ENPP2: variants seen among roughly 807,000 people sequenced by gnomAD.
ENPP2 encodes the protein ectonucleotide pyrophosphatase/phosphodiesterase 2.
Under a neutral mutation model 120.2 loss-of-function variants are expected in ENPP2, and 51 were observed. That is an observed-to-expected ratio of 0.42 (90% CI 0.34 to 0.54). The LOEUF (loss-of-function observed/expected upper bound fraction) is 0.54. ENPP2 is among the 20% of genes least tolerant of loss of function. The probability of loss-of-function intolerance (pLI) is 0.04; values close to 1 mark genes in which losing one functional copy is unlikely to be tolerated. For missense variants in ENPP2, 920 were observed against 1,066.5 expected (o/e 0.86, Z 1.91); for synonymous variants, 365 against 366.4 (o/e 1.00, Z 0.04).
At chr8:119,568,322 AG>A (rs979637057) in intron 21 of ENPP2, 70 bp from the exon 22 acceptor site, 3 of 833,004 alleles carry the variant, frequency 3.6e-6, no homozygotes, top group East Asian at 2.4e-5. Context: ...AAAAAGGGAG[AG>A]GGGGGTAGAA....
intron 2 of ENPP2, among the ~76,000 whole-genome samples, chr8:119,630,752 T>C (rs560230029): frequency 2.0e-5 from 3 of 152,286 alleles, no homozygotes; most frequent in East Asian, 1.9e-4. Context: ...GATTAGGATA[T>C]ACCTATGTCA....
Position 119,590,574 on chromosome 8 carries a change from C to T in ENPP2, c.1138G>A (p.Val380Met). 6.3e-7 allele frequency: 1 copy of T among 1,595,544 alleles called. No homozygotes were observed. Among genetic ancestry groups the T allele is most frequent in the Non-Finnish European group, 8.6e-7 (1 of 1,168,946 alleles). Residue 380 changes from valine to methionine, a missense_variant, in exon 13 of 25, where the codon GTG becomes ATG. Val to Met is a conservative substitution (Grantham distance 21). Coordinates refer to ENST00000075322, the MANE Select transcript of ENPP2 (RefSeq NM_001040092.3). ...CCAGGCACTAAAGTAATATCATCCA[C>T]ATTAGTTAGGTAATTACTCAAGAAC... ...TEFLSNYLTN[V>M]DDITLVPGTL... is the part of the protein sequence containing the mutation.
At chr8:119,589,804 T>C (rs963641094) in intron 13 of ENPP2, among the ~76,000 whole-genome samples, 2 of 152,170 alleles carry the variant, frequency 1.3e-5, no homozygotes, top group African/African-American at 2.4e-5. Flanking sequence ...AAGTGCGGCA[T>C]AACCCCAATA....
At chr8:119,578,839 A>G (rs1440923839) in intron 19 of ENPP2, among the ~76,000 whole-genome samples, 4 of 152,246 alleles carry the variant, frequency 2.6e-5, no homozygotes, top group African/African-American at 9.6e-5. Context: ...GAGATACAGA[A>G]AAGGAAGAAG....
chr8:119,619,443 A>C, intron 4 of ENPP2, 139 bp from the exon 5 acceptor site: 1 of 614,776 alleles, frequency 1.6e-6, no homozygotes, highest in East Asian at 2.8e-5. Context: ...TTCTGAAAAA[A>C]AAATCTAGTG....
intron 9 of ENPP2, among the ~76,000 whole-genome samples, chr8:119,603,187 C>G (rs1356587253): frequency 6.6e-6 from 1 of 151,552 alleles, no homozygotes; most frequent in Non-Finnish European, 1.5e-5. Context: ...TCCTTTGTAT[C>G]TGAGCAAAAT....
At chr8:119,561,569 T>C (rs775986029) in intron 24 of ENPP2, among the ~76,000 whole-genome samples, 1 of 152,068 alleles carries the variant, frequency 6.6e-6, no homozygotes, top group Non-Finnish European at 1.5e-5. Context: ...TGTCCCTGAG[T>C]GTCAAGTTAG....
At chr8:119,579,894 T>C (rs189360600) in intron 19 of ENPP2, among the ~76,000 whole-genome samples, 1 of 152,266 alleles carries the variant, frequency 6.6e-6, no homozygotes, top group African/African-American at 2.4e-5. Context: ...TAAAAGCTAT[T>C]GAGGGGGGAG....
chr8:119,655,756 A>C (rs892775071), intron 1 of ENPP2, among the ~76,000 whole-genome samples: 1 of 152,188 alleles, frequency 6.6e-6, no homozygotes, highest in Non-Finnish European at 1.5e-5. Context: ...CAAAAGTTTA[A>C]GTAACTGGCC....
At chr8:119,602,046 C>T (rs543965992) in intron 9 of ENPP2, among the ~76,000 whole-genome samples, 5 of 152,284 alleles carry the variant, frequency 3.3e-5, no homozygotes, top group African/African-American at 1.2e-4. Flanking sequence ...ATCATTCTGC[C>T]TCTAAATAAT....
chr8:119,670,362 A>T (rs1476296111), intron 1 of ENPP2, among the ~76,000 whole-genome samples: 1 of 152,270 alleles, frequency 6.6e-6, no homozygotes, highest in Non-Finnish European at 1.5e-5. Context: ...TTAGCATATT[A>T]TAGATGATAA....
intron 1 of ENPP2, among the ~76,000 whole-genome samples, chr8:119,666,328 A>T (rs1190717286): frequency 6.6e-6 from 1 of 152,154 alleles, no homozygotes; most frequent in Non-Finnish European, 1.5e-5. Flanking sequence ...ATTGCTTCAA[A>T]CAAAGCACCA....
At position 119,626,704 on chromosome 8, in the gene ENPP2, G is replaced by T; in HGVS notation, c.153C>A (p.Pro51=). The change falls in exon 3 of 25, where the codon CCC becomes CCA. Residue 51 remains proline, a synonymous_variant. Transcript: ENST00000075322. The part of the protein sequence containing the change: ...EGPPTVLSDS[P]WTNISGSCKG... ...TGCAAGATCCGGAGATGTTGGTCCAGGGGGAGTCTGATAGCACTGCAAAGA... is the reference window on the plus strand; with the variant it reads ...TGCAAGATCCGGAGATGTTGGTCCATGGGGAGTCTGATAGCACTGCAAAGA... 1 of 1,614,026 alleles carries T rather than the reference G, an allele frequency of 6.2e-7. No homozygotes were observed. The highest frequency in any genetic ancestry group is 8.5e-7 in the Non-Finnish European group (1 of 1,179,926).
At chr8:119,595,979 A>G (rs1813867991) in intron 11 of ENPP2, 1 of 1,613,854 alleles carries the variant, frequency 6.2e-7, no homozygotes, top group Non-Finnish European at 8.5e-7. Flanking sequence ...TAGCCGGAGT[A>G]AAAGGTGAGC....
At position 119,626,550 on chromosome 8, in the gene ENPP2, T is replaced by G; in HGVS notation, c.292+15A>C. 1 of 1,611,296 alleles carries G rather than the reference T, an allele frequency of 6.2e-7. No homozygotes were observed. The highest frequency in any genetic ancestry group is 2.2e-5 in the East Asian group (1 of 44,818). The stretch of plus-strand genomic sequence containing the variant: ...CCATCTACTTGAAGGTAGAGAGGAC[T>G]CATAAGTTACGTACCTGTCTTCAAA... On this transcript the variant is annotated intron_variant, in intron 3 of 24. Coordinates refer to ENST00000075322, the MANE Select transcript of ENPP2 (RefSeq NM_001040092.3).
intron 1 of ENPP2, among the ~76,000 whole-genome samples, chr8:119,664,007 G>A (rs1023946787): frequency 1.3e-5 from 2 of 152,168 alleles, no homozygotes; most frequent in East Asian, 1.9e-4. Context: ...AAGTGGAGAC[G>A]AAATTTTCTT....
chr8:119,631,378 G>A (rs1317159891), intron 2 of ENPP2, among the ~76,000 whole-genome samples: 9 of 151,380 alleles, frequency 5.9e-5, no homozygotes, highest in African/African-American at 1.7e-4. Context: ...CACCATGCCC[G>A]GCTAATTTTT....
chr8:119,645,251 G>C (rs1411085976), intron 1 of ENPP2, among the ~76,000 whole-genome samples: 1 of 152,090 alleles, frequency 6.6e-6, no homozygotes, highest in African/African-American at 2.4e-5. Flanking sequence ...TACACCACAC[G>C]AGGGCCTCCA....
chr8:119,559,827 C>T (rs1813775133), intron 24 of ENPP2, among the ~76,000 whole-genome samples: 1 of 152,128 alleles, frequency 6.6e-6, no homozygotes, highest in African/African-American at 2.4e-5. Flanking sequence ...TGACTTTCTC[C>T]CCAGGTTTGT....
Sources: allele counts gnomAD v4.1 joint callset (sites outside exome capture counted in the v4.1 genomes callset), GRCh38; gene constraint gnomAD v4.1.1; transcripts MANE v1.5; gene names NCBI Gene and HGNC (gene_info 2026-07-23, HGNC 2026-07-21).